Variants in DUOX2 observed in about 807,000 individuals in gnomAD.
DUOX2 encodes dual oxidase 2, also known as NADH/NADPH thyroid oxidase p138-tox.
In DUOX2, 185 loss-of-function variants were observed where a neutral mutation model predicts 183.3. That is an observed-to-expected ratio of 1.01 (90% CI 0.90 to 1.14). The LOEUF (loss-of-function observed/expected upper bound fraction) is 1.14, where lower values mean the gene tolerates loss of function less well. DUOX2 is among the 50% of genes most tolerant of loss of function. The pLI is 0.00. For missense variants in DUOX2, 1,999 were observed against 2,022.9 expected, an observed-to-expected ratio of 0.99 and a Z score of 0.23; for synonymous variants, 788 against 812.4, an observed-to-expected ratio of 0.97 and a Z score of 0.51.
Position 45,105,981 on chromosome 15 carries a change from G to A in DUOX2, c.2148+144C>T, listed in dbSNP as rs1894202228. On this transcript the variant is annotated intron_variant, in intron 17 of 33. Coordinates refer to ENST00000389039, the MANE Select transcript of DUOX2 (RefSeq NM_001363711.2). ...GTGTGTGGACGAAGGGGGTCAGGTT[G>A]TGTCTGGGGGCCTCTGAAAGGAGCC... The A allele has an allele frequency of 4.4e-6, 6 of 1,360,616 alleles. No homozygotes were observed. In the Admixed American group the frequency reaches 9.8e-5, roughly 22 times the overall value. 84.3% of individuals were successfully genotyped at this position (1,360,616 alleles called of 1,614,324 possible).
chr15:45,105,742 A>C lies in DUOX2; in HGVS notation c.2235T>G (p.His745Gln). ...GCTCCTTCTCGCTCATCTCAGCCACATGGAGGCCCAGAGCCCAGCGCACGC... is the reference window on the plus strand; with the variant it reads ...GCTCCTTCTCGCTCATCTCAGCCACCTGGAGGCCCAGAGCCCAGCGCACGC... ...DFCVRWALGL[H>Q]VAEMSEKELF... Residue 745 changes from histidine to glutamine, a missense_variant, in exon 18 of 34, where the codon CAT becomes CAG. By Grantham distance (24) the His-to-Gln change is conservative. This residue lies in a region of DUOX2 where 1,628 missense variants were observed against 1,608.6 expected (regional missense o/e 1.01). Coordinates refer to ENST00000389039, the MANE Select transcript of DUOX2 (RefSeq NM_001363711.2). 6 of 1,614,232 alleles carry C rather than the reference A, an allele frequency of 3.7e-6. No homozygotes were observed. The highest frequency in any genetic ancestry group is 5.1e-6 in the Non-Finnish European group (6 of 1,180,050).
intron 23 of DUOX2, 69 bp from the exon 24 acceptor site, chr15:45,100,297 G>T (rs1272770220): frequency 6.7e-7 from 1 of 1,486,424 alleles, no homozygotes; most frequent in Non-Finnish European, 9.2e-7. Flanking sequence ...GCCACTCCAT[G>T]AAAGGTGACC....
In DUOX2 at chr15:45,109,177, C is replaced by T. The variant is rs543322251; in HGVS notation, c.1235-225G>A. 1.1e-5 allele frequency: 7 copies of T among 629,134 alleles called. No individual in the cohort carries two copies. The South Asian group carries it at 1.3e-4, about 12-fold the overall frequency. 39.0% of individuals were successfully genotyped at this position (629,134 alleles called of 1,614,324 possible). ...AAGACCCTTCCTCTAAGACTCAAGACTGTTCTAGTCACCAAGCAGTAAATT... is the reference window on the plus strand; with the variant it reads ...AAGACCCTTCCTCTAAGACTCAAGATTGTTCTAGTCACCAAGCAGTAAATT... On this transcript the variant is annotated intron_variant, in intron 11 of 33. Coordinates refer to ENST00000389039, the MANE Select transcript of DUOX2 (RefSeq NM_001363711.2).
At chr15:45,097,937 T>C in intron 27 of DUOX2, 72 bp downstream of exon 27, 1 of 1,552,852 alleles carries the variant, frequency 6.4e-7, no homozygotes, top group South Asian at 1.1e-5. Flanking sequence ...TATAGACAAG[T>C]GAGTATTCAC....
chr15:45,099,289 C>T (rs1033745882), intron 26 of DUOX2, 94 bp downstream of exon 26: 20 of 1,108,714 alleles, frequency 1.8e-5, no homozygotes, highest in African/African-American at 3.1e-5. Flanking sequence ...GGATTACAGG[C>T]GTGAGCCACC....
chr15:45,111,907 G>A lies in DUOX2; in HGVS notation c.374C>T (p.Pro125Leu), dbSNP rs1894433532. 1 of 1,613,702 alleles carries A rather than the reference G, an allele frequency of 6.2e-7. No homozygotes were observed. Among genetic ancestry groups the A allele is most frequent in the African/African-American group, 1.3e-5 (1 of 74,930 alleles). The change falls in exon 5 of 34, where the codon CCC becomes CTC. Residue 125 changes from proline (P) to leucine (L), a missense_variant. Coordinates refer to ENST00000389039, the MANE Select transcript of DUOX2 (RefSeq NM_001363711.2). ...GATGCGGATGTTGAGGAACTCGGCG[G>A]GGCAACCGGGCGTTTCCACGCTCAC... ...DVVSVETPGC[P>L]AEFLNIRIPP...
At position 45,101,185 on chromosome 15, in the gene DUOX2, A is replaced by G. The variant is rs1053440250; in HGVS notation, c.2921+20T>C. 11 of 1,610,526 alleles carry G rather than the reference A, an allele frequency of 6.8e-6. No individual in the cohort carries two copies. The highest frequency in any genetic ancestry group is 5.3e-5 in the African/African-American group (4 of 74,874). On this transcript the variant is annotated intron_variant, in intron 22 of 33. Coordinates refer to ENST00000389039, the MANE Select transcript of DUOX2 (RefSeq NM_001363711.2). ...GGGGGCTCAGCCAGGCCAACCTGCC[A>G]GAGCCCCATTCCTGCTCACCGCTCC...
rs766882038 is a variant in DUOX2 at position 45,108,929 on chromosome 15, A to G, written c.1258T>C (p.Phe420Leu). 11 of 1,614,202 alleles carry G rather than the reference A, an allele frequency of 6.8e-6. No individual in the cohort carries two copies. Among genetic ancestry groups the G allele is most frequent in the Non-Finnish European group, 9.3e-6 (11 of 1,180,030 alleles). Residue 420 changes from phenylalanine to leucine, a missense_variant, in exon 12 of 34, where the codon TTC (phenylalanine) becomes CTC (leucine). Phe to Leu is a conservative substitution (Grantham distance 22). This residue lies in a region of DUOX2 where 1,628 missense variants were observed against 1,608.6 expected (regional missense o/e 1.01). Coordinates refer to ENST00000389039, the MANE Select transcript of DUOX2 (RefSeq NM_001363711.2). ...CTGGCCACATAGTCTGTACGGGAGA[A>G]TTTGCCAGGGCCAGGCCAGTAATCT... ...LRDYWPGPGK[F>L]SRTDYVASSI...
Position 45,093,526 on chromosome 15 carries a change from G to A in DUOX2, c.*624C>T, listed in dbSNP as rs143376422. ...TAGGGCTGCTCCTTTTGGAGCTGGAGGGAATAGACCTGGAGACAGAGTTGA... is the reference window on the plus strand; with the variant it reads ...TAGGGCTGCTCCTTTTGGAGCTGGAAGGAATAGACCTGGAGACAGAGTTGA... On this transcript the variant is annotated 3_prime_UTR_variant, in exon 34 of 34. Transcript: ENST00000389039. 1.1e-3 allele frequency: 162 copies of A among 153,536 alleles called. 1 individual carries two copies. The highest frequency in any genetic ancestry group is 2.0e-3 in the Admixed American group (31 of 15,488). 9.5% of individuals were successfully genotyped at this position (153,536 alleles called of 1,614,324 possible).
chr15:45,107,707 C>T (rs182015671), intron 13 of DUOX2, among the ~76,000 whole-genome samples: 258 of 151,656 alleles, frequency 1.7e-3, no homozygotes, highest in East Asian at 7.2e-3. Flanking sequence ...AAAAATTAGC[C>T]GGGCATGTTG....
intron 32 of DUOX2, 120 bp from the exon 33 acceptor site, chr15:45,094,811 G>A: frequency 1.9e-6 from 3 of 1,594,428 alleles, no homozygotes; most frequent in Non-Finnish European, 1.7e-6. Flanking sequence ...CTGAGGATCA[G>A]GCCATCAGCT....
chr15:45,094,829 T>C, intron 32 of DUOX2, 107 bp downstream of exon 32: 2 of 1,594,596 alleles, frequency 1.3e-6, no homozygotes, highest in Non-Finnish European at 8.6e-7. Flanking sequence ...GCTCTGTGCC[T>C]CCTGCCAGCT....
chr15:45,100,173 G>T lies in DUOX2; in HGVS notation c.3061C>A (p.Arg1021=), dbSNP rs147452041. The part of the protein sequence containing the change: ...YTEALQEKMQ[R]GFLAQKLQQY... ...TGCAGCTTTTGGGCTAGGAAGCCTC[G>T]CTGCATCTTCTCTTGCAGCGCCTCT... The change falls in exon 24 of 34, where the codon CGA becomes AGA. Residue 1021 remains arginine (R), a synonymous_variant. Transcript: ENST00000389039. 140 of 1,614,108 alleles carry T rather than the reference G, an allele frequency of 8.7e-5. No homozygotes were observed. In the African/African-American group the frequency reaches 1.7e-3, roughly 20 times the overall value.
Position 45,111,487 on chromosome 15 carries a change from C to T in DUOX2, c.612G>A (p.Ala204=), listed in dbSNP as rs760793351. ...GGGGGAAAGCGGGGTCGGGCCCCGA[C>T]GCCAGCTGTCCCCCCGAGAAGCTCC... ...ALRSFSGGQL[A]SGPDPAFPRD... is the part of the protein sequence containing the mutation. The change falls in exon 6 of 34, where the codon GCG becomes GCA. Residue 204 remains alanine, a synonymous_variant. Transcript: ENST00000389039. The T allele has an allele frequency of 7.1e-6, 11 of 1,550,806 alleles. No individual in the cohort carries two copies. The highest frequency in any genetic ancestry group is 9.6e-6 in the Non-Finnish European group (11 of 1,150,722).
intron 20 of DUOX2, among the ~76,000 whole-genome samples, chr15:45,103,578 G>A (rs1389613100): frequency 6.6e-6 from 1 of 152,224 alleles, no homozygotes; most frequent in Non-Finnish European, 1.5e-5. Context: ...CAGCAACCAA[G>A]GTCATCCATT....
At position 45,099,812 on chromosome 15, in the gene DUOX2, T is replaced by C; in HGVS notation, c.3265A>G (p.Ser1089Gly). ...GIILSRGTAA[S>G]VSFMFSYILL... ...ATATAAGAGAACATGAAGGAGACGC[T>C]GGCCGCCGTGCCTCGTGACAGGATG... The change falls in exon 25 of 34, where the codon AGC (serine) becomes GGC (glycine). Residue 1089 changes from serine (S) to glycine (G), a missense_variant. Around this residue, in one of 3 missense-constraint regions of DUOX2, gnomAD observed 1,628 missense variants for 1,608.6 expected, o/e 1.01. Coordinates refer to ENST00000389039, the MANE Select transcript of DUOX2 (RefSeq NM_001363711.2). The C allele has an allele frequency of 6.2e-7, 1 of 1,614,214 alleles. No individual in the cohort carries two copies. Among genetic ancestry groups the C allele is most frequent in the Non-Finnish European group, 8.5e-7 (1 of 1,180,036 alleles).
intron 25 of DUOX2, 67 bp from the exon 26 acceptor site, chr15:45,099,549 G>C (rs1894007702): frequency 1.3e-6 from 2 of 1,585,702 alleles, no homozygotes; most frequent in Non-Finnish European, 1.7e-6. Flanking sequence ...CTGAGGGAGA[G>C]AGGAGGCATA....
At chr15:45,097,864 G>A (rs1384782697) in intron 27 of DUOX2, 123 bp from the exon 28 acceptor site, 6 of 1,574,374 alleles carry the variant, frequency 3.8e-6, no homozygotes, top group Non-Finnish European at 5.2e-6. Context: ...CCCCAGAAAA[G>A]CCTGCCTGGA....
chr15:45,112,995 C>T lies in DUOX2; in HGVS notation c.152G>A (p.Gly51Asp), dbSNP rs1237752365. The T allele has an allele frequency of 2.5e-6, 4 of 1,613,610 alleles. No homozygotes were observed. The highest frequency in any genetic ancestry group is 3.4e-6 in the Non-Finnish European group (4 of 1,179,926). ...WFNNLRHHER[G>D]AVGCRLQRRV... Reference sequence around the variant, plus strand: ...GGGCCCCCAGAACGCACCAACAGCACCACGCTCGTGGTGCCTCAGGTTGTT... The same window carrying T: ...GGGCCCCCAGAACGCACCAACAGCATCACGCTCGTGGTGCCTCAGGTTGTT... Residue 51 changes from glycine to aspartate, a missense_variant, in exon 3 of 34, where the codon GGT becomes GAT. Transcript: ENST00000389039.
Sources: allele counts gnomAD v4.1 joint callset (sites outside exome capture counted in the v4.1 genomes callset), GRCh38; gene constraint gnomAD v4.1.1; regional missense constraint gnomAD v4.1.1; transcripts MANE v1.5; gene names NCBI Gene and HGNC (gene_info 2026-07-23, HGNC 2026-07-21).